The following TMCC1 variants were observed in gnomAD, a reference collection of about 807,000 sequenced individuals.
The protein encoded by TMCC1 is transmembrane and coiled-coil domains protein 1.
Under a neutral mutation model 52.4 loss-of-function variants are expected in TMCC1, and 15 were observed. That is an observed-to-expected ratio of 0.29 (90% CI 0.19 to 0.44). TMCC1 has a LOEUF of 0.44. Ranked by LOEUF, TMCC1 falls within the 20% of genes least tolerant of loss-of-function variation. The probability of loss-of-function intolerance (pLI) is 1.00; values close to 1 mark genes in which losing one functional copy is unlikely to be tolerated. For missense variants in TMCC1, 503 were observed against 806.0 expected (o/e 0.62, Z 4.55); for synonymous variants, 279 against 301.9 (o/e 0.92, Z 0.79).
chr3:129,744,979 A>G (rs955337771), intron 4 of TMCC1, among the ~76,000 whole-genome samples: 1 of 152,250 alleles, frequency 6.6e-6, no homozygotes, highest in Non-Finnish European at 1.5e-5. Context: ...TTCACAGTTC[A>G]GAAAGTTTAA....
chr3:129,795,961 T>C (rs2056795229), intron 4 of TMCC1, among the ~76,000 whole-genome samples: 1 of 152,206 alleles, frequency 6.6e-6, no homozygotes, highest in Non-Finnish European at 1.5e-5. Context: ...CTGTTATAAT[T>C]GTTCTATTTT....
chr3:129,695,729 A>G (rs1193679390), intron 4 of TMCC1, among the ~76,000 whole-genome samples: 1 of 152,104 alleles, frequency 6.6e-6, no homozygotes, highest in Non-Finnish European at 1.5e-5. Context: ...GGACACAGCC[A>G]AATCATATCA....
At chr3:129,838,793 T>C (rs897231716) in intron 2 of TMCC1, among the ~76,000 whole-genome samples, 3 of 140,126 alleles carry the variant, frequency 2.1e-5, no homozygotes, top group Non-Finnish European at 3.1e-5. Flanking sequence ...TATCTAGGCA[T>C]ATCATATTCA....
chr3:129,867,349 GA>G (rs1287798265), intron 2 of TMCC1, among the ~76,000 whole-genome samples: 3 of 152,132 alleles, frequency 2.0e-5, no homozygotes, highest in Admixed American at 6.5e-5. Flanking sequence ...ATTACAAATA[GA>G]GAACACAGAT....
chr3:129,721,529 CA>C (rs2049583647), intron 4 of TMCC1, among the ~76,000 whole-genome samples: 1 of 151,798 alleles, frequency 6.6e-6, no homozygotes, highest in Non-Finnish European at 1.5e-5. Context: ...ATCCTGCCTT[CA>C]AAATGTTCAT....
chr3:129,661,027 T>C (rs2086987398), intron 5 of TMCC1, among the ~76,000 whole-genome samples: 1 of 152,162 alleles, frequency 6.6e-6, no homozygotes, highest in Admixed American at 6.5e-5. Context: ...TTACAGAAAA[T>C]AAAGTCCTTT....
chr3:129,858,213 C>G (rs904272693), intron 2 of TMCC1, among the ~76,000 whole-genome samples: 1 of 152,236 alleles, frequency 6.6e-6, no homozygotes, highest in Non-Finnish European at 1.5e-5. Flanking sequence ...ATGTGTCCCT[C>G]TAAATGAAGG....
chr3:129,746,449 G>A (rs968563331), intron 4 of TMCC1, among the ~76,000 whole-genome samples: 8 of 152,028 alleles, frequency 5.3e-5, no homozygotes, highest in Non-Finnish European at 1.0e-4. Flanking sequence ...AAAGTGCTAG[G>A]ATTACAGGTT....
intron 4 of TMCC1, among the ~76,000 whole-genome samples, chr3:129,795,650 A>G (rs1406339068): frequency 2.0e-5 from 3 of 152,208 alleles, no homozygotes; most frequent in Non-Finnish European, 4.4e-5. Flanking sequence ...CCTTACCTAC[A>G]GTTTGTTCCC....
intron 4 of TMCC1, among the ~76,000 whole-genome samples, chr3:129,784,375 G>A (rs532616123): frequency 2.0e-5 from 3 of 150,922 alleles, no homozygotes; most frequent in East Asian, 4.0e-4. Context: ...TCAGGAAATC[G>A]AGACCACAGT....
At chr3:129,870,759 CAAAAAA>C (rs61673201) in intron 2 of TMCC1, among the ~76,000 whole-genome samples, 2 of 10,678 alleles carry the variant, frequency 1.9e-4, no homozygotes, top group Admixed American at 2.3e-3. Flanking sequence ...GACTCCATCT[CAAAAAA>C]AAAAAAAAAA....
At chr3:129,677,029 C>T (rs1218530602) in intron 4 of TMCC1, among the ~76,000 whole-genome samples, 7 of 151,636 alleles carry the variant, frequency 4.6e-5, no homozygotes, top group Admixed American at 3.9e-4. Context: ...TTTGGGAGGC[C>T]GAGATGGGCA....
chr3:129,833,861 T>C (rs1439919665), intron 2 of TMCC1, among the ~76,000 whole-genome samples: 1 of 152,222 alleles, frequency 6.6e-6, no homozygotes, highest in Non-Finnish European at 1.5e-5. Flanking sequence ...AATTAAATTT[T>C]TCCTGGAAAA....
In TMCC1 at chr3:129,861,224, A is replaced by C. The variant is rs373210589; in HGVS notation, c.-184+19085T>G. 3.9e-5 allele frequency among the ~76,000 whole-genome samples: 6 copies of C among 152,246 alleles called. No individual in the cohort carries two copies. In the East Asian group the frequency reaches 1.2e-3, roughly 30 times the overall value. ...GGGAGGCCGAGGCGGGCGGATCATGAGGTCAGGAGATCAAGACCATCCTGG... is the reference window on the plus strand; with the variant it reads ...GGGAGGCCGAGGCGGGCGGATCATGCGGTCAGGAGATCAAGACCATCCTGG... On this transcript the variant is annotated intron_variant, in intron 2 of 6. Transcript: ENST00000393238.
At chr3:129,716,049 A>T (rs2049055548) in intron 4 of TMCC1, among the ~76,000 whole-genome samples, 1 of 151,850 alleles carries the variant, frequency 6.6e-6, no homozygotes, top group African/African-American at 2.4e-5. Flanking sequence ...CCAGAGTGGA[A>T]CTCTCCCACC....
chr3:129,679,990 C>A (rs2088827614), intron 4 of TMCC1, among the ~76,000 whole-genome samples: 1 of 152,118 alleles, frequency 6.6e-6, no homozygotes, highest in African/African-American at 2.4e-5. Flanking sequence ...ATAACAGGAT[C>A]TTATTGCATC....
At chr3:129,872,785 T>C (rs541060042) in intron 2 of TMCC1, among the ~76,000 whole-genome samples, 2 of 152,328 alleles carry the variant, frequency 1.3e-5, no homozygotes, top group Admixed American at 1.3e-4. Context: ...TCGTTGCTTC[T>C]GTTTATATAA....
intron 4 of TMCC1, among the ~76,000 whole-genome samples, chr3:129,826,191 T>C (rs1187616788): frequency 6.6e-6 from 1 of 152,096 alleles, no homozygotes; most frequent in East Asian, 1.9e-4. Flanking sequence ...TGACCAAATA[T>C]TCTTTTTATT....
intron 4 of TMCC1, among the ~76,000 whole-genome samples, chr3:129,693,760 T>C (rs564667547): frequency 6.6e-6 from 1 of 152,322 alleles, no homozygotes; most frequent in East Asian, 1.9e-4. Context: ...CTCTGTGATC[T>C]GAATAAAACA....
Sources: allele counts gnomAD v4.1 joint callset (sites outside exome capture counted in the v4.1 genomes callset), GRCh38; gene constraint gnomAD v4.1.1; transcripts MANE v1.5; gene names NCBI Gene and HGNC (gene_info 2026-07-23, HGNC 2026-07-21).